Variants in NINL observed in about 807,000 individuals in gnomAD.
NINL encodes ninein like, also known as ninein-like protein.
In NINL, 153 loss-of-function variants were observed where a neutral mutation model predicts 160.3. That is an observed-to-expected ratio of 0.95 (90% CI 0.84 to 1.09). The LOEUF (loss-of-function observed/expected upper bound fraction) is 1.09, where lower values mean the gene tolerates loss of function less well. NINL is among the 50% of genes least tolerant of loss of function. NINL has a pLI of 0.00. For missense variants in NINL, 1,829 were observed against 1,764.0 expected (o/e 1.04, Z -0.66); for synonymous variants, 800 against 734.8 (o/e 1.09, Z -1.43).
At chr20:25,558,213 C>A (rs544232098) in intron 1 of NINL, among the ~76,000 whole-genome samples, 16 of 152,178 alleles carry the variant, frequency 1.1e-4, no homozygotes, top group African/African-American at 1.4e-4. Flanking sequence ...TTATTTATTT[C>A]TTTATTTATT....
chr20:25,504,987 G>A lies in NINL; in HGVS notation c.609C>T (p.Gly203=), dbSNP rs764189314. ...TGCCCACCCCCAGCTCTTCCCACAC[G>A]CCCCGGATCTGGCTCTCTGGGGTGT... is the stretch of plus-strand genomic sequence containing the variant. ...SFDTPESQIR[G]VWEELGVGSS... is the part of the protein sequence containing the mutation. Residue 203 remains glycine (G), a synonymous_variant, in exon 6 of 24, where the codon GGC becomes GGT. Coordinates refer to ENST00000278886, the MANE Select transcript of NINL (RefSeq NM_025176.6). The A allele has an allele frequency of 2.2e-5, 35 of 1,613,696 alleles. No homozygotes were observed. The South Asian group carries it at 2.2e-4, about 10-fold the overall frequency.
At chr20:25,469,247 T>C (rs34507264) in intron 18 of NINL, among the ~76,000 whole-genome samples, 9,460 of 33,182 alleles carry the variant, frequency 0.29, 2,692 homozygotes, top group East Asian at 0.95. Context: ...CTGACTCTCA[T>C]TGGTGGGCAC....
intron 1 of NINL, among the ~76,000 whole-genome samples, chr20:25,584,862 G>A (rs1317811598): frequency 6.6e-6 from 1 of 152,230 alleles, no homozygotes; most frequent in East Asian, 1.9e-4. Flanking sequence ...GTGACTGCGC[G>A]CACAGGCGGG....
At position 25,491,376 on chromosome 20, in the gene NINL, C is replaced by T. The variant is rs757220615; in HGVS notation, c.1460G>A (p.Arg487His). The T allele has an allele frequency of 2.1e-5, 34 of 1,610,368 alleles. No homozygotes were observed. The highest frequency in any genetic ancestry group is 2.2e-5 in the East Asian group (1 of 44,836). Residue 487 changes from arginine to histidine, a missense_variant, in exon 11 of 24, where the codon CGC (arginine) becomes CAC (histidine). Transcript: ENST00000278886. Reference protein sequence around the residue: ...GRLQAEEAGLREKLTLALKEN... With the variant: ...GRLQAEEAGLHEKLTLALKEN... ...CTTCAGGGCCAGGGTCAGCTTCTCGCGGAGGCCAGCCTCCTCAGCCTGCAG... is the reference window on the plus strand; with the variant it reads ...CTTCAGGGCCAGGGTCAGCTTCTCGTGGAGGCCAGCCTCCTCAGCCTGCAG...
intron 10 of NINL, 120 bp downstream of exon 10, chr20:25,496,543 G>A: frequency 1.7e-6 from 2 of 1,196,502 alleles, no homozygotes; most frequent in South Asian, 1.5e-5. Context: ...GGTGAAATAG[G>A]GGGGTCTCCA....
In NINL at chr20:25,535,901, C is replaced by T. The variant is rs550052364; in HGVS notation, c.-11-9303G>A. Reference sequence around the variant, plus strand: ...GAAAGGGGAAATGATTAGAATAATACAAGACTTTTCCAAGCACACAGATGG... The same window carrying T: ...GAAAGGGGAAATGATTAGAATAATATAAGACTTTTCCAAGCACACAGATGG... On this transcript the variant is annotated intron_variant, in intron 1 of 23. Transcript: ENST00000278886. 7.2e-5 allele frequency among the ~76,000 whole-genome samples: 11 copies of T among 152,280 alleles called. No individual in the cohort carries two copies. In the East Asian group the frequency reaches 1.5e-3, roughly 21 times the overall value.
At chr20:25,496,545 G>T in intron 10 of NINL, 118 bp downstream of exon 10, 1 of 1,210,962 alleles carries the variant, frequency 8.3e-7, no homozygotes, top group Non-Finnish European at 1.2e-6. Context: ...TGAAATAGGG[G>T]GGTCTCCACT....
At chr20:25,516,611 T>C (rs766672021) in intron 3 of NINL, among the ~76,000 whole-genome samples, 2 of 152,124 alleles carry the variant, frequency 1.3e-5, no homozygotes, top group African/African-American at 2.4e-5. Context: ...TTTGATATCT[T>C]TGATCATACC....
intron 18 of NINL, among the ~76,000 whole-genome samples, chr20:25,468,528 C>T (rs545282405): frequency 3.5e-4 from 38 of 109,228 alleles, no homozygotes; most frequent in African/African-American, 1.1e-3. Flanking sequence ...GTTGGCACTG[C>T]CCTGCCCTGT....
At chr20:25,496,169 CA>C (rs2063748577) in intron 10 of NINL, among the ~76,000 whole-genome samples, 1 of 152,156 alleles carries the variant, frequency 6.6e-6, no homozygotes, top group Non-Finnish European at 1.5e-5. Context: ...AAAATAAAAA[CA>C]AATCAGAAAT....
At chr20:25,575,548 C>T (rs1023834971) in intron 1 of NINL, among the ~76,000 whole-genome samples, 1 of 151,100 alleles carries the variant, frequency 6.6e-6, no homozygotes, top group Non-Finnish European at 1.5e-5. Context: ...GTCAGGAATT[C>T]GAGACCAGCT....
At position 25,476,918 on chromosome 20, in the gene NINL, C is replaced by T. The variant is rs572168856; in HGVS notation, c.2373G>A (p.Ala791=). The T allele has an allele frequency of 1.1e-5, 18 of 1,612,556 alleles. No individual in the cohort carries two copies. The Admixed American group carries it at 2.7e-4, about 24-fold the overall frequency. The change falls in exon 17 of 24, where the codon GCG becomes GCA. Residue 791 remains alanine, a synonymous_variant. Transcript: ENST00000278886. ...CGCACATCTGGGCGCGCTTCTCGCT[C>T]GCACAGGGCTGCAGCTTCAGTGCCC... The part of the protein sequence containing the change: ...LERALKLQPC[A]SEKRAQMCVS...
At chr20:25,519,139 C>T (rs1029385678) in intron 2 of NINL, among the ~76,000 whole-genome samples, 4 of 150,270 alleles carry the variant, frequency 2.7e-5, no homozygotes, top group Admixed American at 1.3e-4. Context: ...TCTATTTCCA[C>T]TTTTGTACTG....
chr20:25,489,666 G>C (rs112746467), intron 12 of NINL, among the ~76,000 whole-genome samples: 3 of 152,270 alleles, frequency 2.0e-5, no homozygotes, highest in African/African-American at 7.2e-5. Flanking sequence ...TCACTAGTGA[G>C]CAGTTGTGCT....
intron 13 of NINL, among the ~76,000 whole-genome samples, chr20:25,484,078 A>G (rs2063456886): frequency 6.6e-6 from 1 of 152,234 alleles, no homozygotes; most frequent in Admixed American, 6.5e-5. Context: ...GGAGAGGCCC[A>G]GATGGAGAAG....
At chr20:25,481,330 C>T (rs772553141) in intron 14 of NINL, among the ~76,000 whole-genome samples, 112 of 152,232 alleles carry the variant, frequency 7.4e-4, no homozygotes, top group Non-Finnish European at 1.2e-3. Context: ...GCAGAGGCCA[C>T]CCCATCCTCC....
intron 17 of NINL, among the ~76,000 whole-genome samples, chr20:25,473,407 G>C (rs1259114412): frequency 2.0e-5 from 3 of 151,240 alleles, no homozygotes; most frequent in Non-Finnish European, 2.9e-5. Context: ...CTTGAGGCCA[G>C]GAGTTTGAGA....
intron 11 of NINL, among the ~76,000 whole-genome samples, chr20:25,490,285 G>C (rs994177989): frequency 8.5e-5 from 13 of 152,228 alleles, no homozygotes; most frequent in African/African-American, 2.9e-4. Flanking sequence ...GGAGAGCCGG[G>C]CACGGTGGCT....
chr20:25,477,110 C>T (rs748662417), intron 16 of NINL, 21 bp from the exon 17 acceptor site: 2 of 1,568,794 alleles, frequency 1.3e-6, no homozygotes, highest in Non-Finnish European at 1.7e-6. Flanking sequence ...AGAACCGTCA[C>T]ACACCACAGC....
Sources: allele counts gnomAD v4.1 joint callset (sites outside exome capture counted in the v4.1 genomes callset), GRCh38; gene constraint gnomAD v4.1.1; transcripts MANE v1.5; gene names NCBI Gene and HGNC (gene_info 2026-07-23, HGNC 2026-07-21).